Variants in PRC1 observed in about 807,000 individuals in gnomAD.
The protein encoded by PRC1 is protein regulator of cytokinesis 1.
Under a neutral mutation model 91.2 loss-of-function variants are expected in PRC1, and 54 were observed. That is an observed-to-expected ratio of 0.59 (90% CI 0.48 to 0.74). The LOEUF is 0.74. Among genes scored for constraint, PRC1 ranks in the 30% least tolerant of loss-of-function variants. The pLI, the probability that PRC1 is intolerant of heterozygous loss-of-function variation, is 0.00. For synonymous variants in PRC1, 275 were observed against 263.6 expected (o/e 1.04, Z -0.42); for missense variants, 727 against 746.2 (o/e 0.97, Z 0.30).
Position 90,984,134 on chromosome 15 carries a change from G to T in PRC1, c.151C>A (p.Leu51Met). The T allele has an allele frequency of 6.2e-7, 1 of 1,614,100 alleles. No homozygotes were observed. The highest frequency in any genetic ancestry group is 8.5e-7 in the Non-Finnish European group (1 of 1,179,994). Residue 51 changes from leucine (L) to methionine (M), a missense_variant, in exon 3 of 15, where the codon CTG becomes ATG. Transcript: ENST00000394249. This position sits in a 1 kb window ranked among gnomAD's most constrained non-coding sequence, Gnocchi z 5.1. ...EVVKKHIKEL[L>M]DMMIAEEESL... is the part of the protein sequence containing the mutation. ...TCCTCTTCAGCAATCATCATATCCA[G>T]GAGTTCCTACAAGAGGGAAAACAGT...
Position 90,984,942 on chromosome 15 carries a change from T to C in PRC1, c.12-117A>G. ...CAGTGGCCTCGAGAAAAAAACAAAT[T>C]GAAAACAAGCATTCAGCTTAATTCA... On this transcript the variant is annotated intron_variant, in intron 1 of 14. Transcript: ENST00000394249. The surrounding 1 kb of genome is among the most constrained non-coding windows in gnomAD (Gnocchi z 5.1). The C allele has an allele frequency of 2.3e-6, 3 of 1,307,142 alleles. No individual in the cohort carries two copies. Among genetic ancestry groups the C allele is most frequent in the Non-Finnish European group, 3.2e-6 (3 of 949,080 alleles). 81.0% of individuals were successfully genotyped at this position (1,307,142 alleles called of 1,614,324 possible).
At chr15:90,988,246 A>G (rs1012575782) in intron 1 of PRC1, 29 of 152,206 alleles carry the variant, frequency 1.9e-4, no homozygotes, top group Admixed American at 1.8e-3. Flanking sequence ...AACTTTTAAG[A>G]TCCAATCTGT....
At chr15:90,994,315 CCCCGCACGGGT>C in intron 1 of PRC1, 81 bp downstream of exon 1, 1 of 1,588,690 alleles carries the variant, frequency 6.3e-7, no homozygotes, top group African/African-American at 1.4e-5. Context: ...AGGCCCGGGA[CCCCGCACGGGT>C]CCCGCACCCC....
In PRC1 at chr15:90,994,488, C is replaced by G; in HGVS notation, c.-71G>C. On this transcript the variant is annotated 5_prime_UTR_variant, in exon 1 of 15. Coordinates refer to ENST00000394249, the MANE Select transcript of PRC1 (RefSeq NM_003981.4). ...ACACGGCCCCGAGAGCAACAACCAC[C>G]CGCAAACACCGGCGATGTCACTCCG... 1 of 1,541,568 alleles carries G rather than the reference C, an allele frequency of 6.5e-7. No homozygotes were observed. The highest frequency in any genetic ancestry group is 1.2e-5 in the South Asian group (1 of 85,180).
intron 7 of PRC1, 76 bp from the exon 8 acceptor site, chr15:90,979,370 C>G: frequency 6.8e-7 from 1 of 1,468,004 alleles, no homozygotes; most frequent in South Asian, 1.3e-5. Context: ...CCCCGATTCC[C>G]TAAAATGGAA....
intron 1 of PRC1, among the ~76,000 whole-genome samples, chr15:90,987,040 GAGGC>G (rs1387672529): frequency 6.6e-6 from 1 of 150,480 alleles, no homozygotes; most frequent in Non-Finnish European, 1.5e-5. Context: ...TTGCAAGGCC[GAGGC>G]AGGAAAACTG....
rs189808257 is a variant in PRC1, at chr15:90,974,198, C to T, written c.1399G>A (p.Ala467Thr). ...CGCCGCTTGCTAGGTGTTCGAGGAG[C>T]GCTGCCATACAGCATCTCTGTCTCT... ...QTETEMLYGS[A>T]PRTPSKRRGL... The change falls in exon 11 of 15, where the codon GCT becomes ACT. Residue 467 changes from alanine to threonine, a missense_variant. Coordinates refer to ENST00000394249, the MANE Select transcript of PRC1 (RefSeq NM_003981.4). The surrounding 1 kb of genome is among the most constrained non-coding windows in gnomAD (Gnocchi z 4.6). 9.3e-6 allele frequency: 15 copies of T among 1,614,160 alleles called. No individual in the cohort carries two copies. Among genetic ancestry groups the T allele is most frequent in the Middle Eastern group, 1.7e-4 (1 of 6,058 alleles).
rs1230070212 is a variant in PRC1 at position 90,969,762 on chromosome 15, AC to A, written c.1573-140del. 2.4e-3 allele frequency: 415 copies of A among 174,358 alleles called. 2 individuals are homozygous for A. Among genetic ancestry groups the A allele is most frequent in the East Asian group, 8.8e-3 (153 of 17,392 alleles). The allele number at this position is 174,358 out of a possible 1,614,324, so 10.8% of individuals were successfully genotyped here. On this transcript the variant is annotated intron_variant, in intron 12 of 14. Coordinates refer to ENST00000394249, the MANE Select transcript of PRC1 (RefSeq NM_003981.4). Reference sequence around the variant, plus strand: ...CCTATACTTTTTAGTTAAAAAAAAAACATATATATATATATATATATATATA... The same window carrying A: ...CCTATACTTTTTAGTTAAAAAAAAAAATATATATATATATATATATATATA...
At position 90,966,991 on chromosome 15, in the gene PRC1, T is replaced by G; in HGVS notation, c.*140A>C. On this transcript the variant is annotated 3_prime_UTR_variant, in exon 15 of 15. Transcript: ENST00000394249. Reference sequence around the variant, plus strand: ...CTTTCAACTGTAACACTCATTCACATCTTTAAGTTAGGCCCATGGTCATGG... The same window carrying G: ...CTTTCAACTGTAACACTCATTCACAGCTTTAAGTTAGGCCCATGGTCATGG... The G allele has an allele frequency of 1.4e-6, 1 of 715,408 alleles. No individual in the cohort carries two copies. The highest frequency in any genetic ancestry group is 1.7e-5 in the South Asian group (1 of 57,376). The allele number at this position is 715,408 out of a possible 1,614,324, so 44.3% of individuals were successfully genotyped here. A position where few individuals can be genotyped will look rare whatever the true frequency, so the allele number is the denominator to read the frequency against.
In PRC1 at chr15:90,980,231, C is replaced by T; in HGVS notation, c.970+11G>A. On this transcript the variant is annotated intron_variant, in intron 7 of 14. Transcript: ENST00000394249. ...AAACAAACAAACCAAAGACCTCACT[C>T]TTGTACTAACCAGCACAGAAAGGGG... 6.2e-7 allele frequency: 1 copy of T among 1,601,912 alleles called. No homozygotes were observed. The highest frequency in any genetic ancestry group is 8.5e-7 in the Non-Finnish European group (1 of 1,176,248).
intron 1 of PRC1, among the ~76,000 whole-genome samples, chr15:90,985,275 G>C (rs1316070218): frequency 6.6e-5 from 10 of 151,104 alleles, no homozygotes; most frequent in Admixed American, 2.0e-4. Context: ...CTGTCGCCCA[G>C]GCTGGAGTGC....
intron 6 of PRC1, 81 bp downstream of exon 6, chr15:90,980,803 G>A (rs1273772895): frequency 6.3e-7 from 1 of 1,578,958 alleles, no homozygotes; most frequent in Non-Finnish European, 8.6e-7. Flanking sequence ...ACTGAGCCTG[G>A]CCAAATCAAC....
intron 14 of PRC1, chr15:90,968,817 G>C: frequency 3.1e-6 from 4 of 1,281,666 alleles, no homozygotes; most frequent in Non-Finnish European, 4.0e-6. Context: ...ATTGGGGAGG[G>C]TCAAGGTTTT....
intron 11 of PRC1, among the ~76,000 whole-genome samples, chr15:90,971,187 G>A (rs1263541290): frequency 1.3e-5 from 2 of 152,200 alleles, no homozygotes; most frequent in Non-Finnish European, 2.9e-5. Context: ...AGAGGCACTA[G>A]GAAACTTTGG....
At position 90,979,283 on chromosome 15, in the gene PRC1, C is replaced by T; in HGVS notation, c.982G>A (p.Glu328Lys). The T allele has an allele frequency of 6.2e-7, 1 of 1,613,474 alleles. No homozygotes were observed. Among genetic ancestry groups the T allele is most frequent in the Non-Finnish European group, 8.5e-7 (1 of 1,179,828 alleles). ...GCATCGTGGAGCTGGAGCAGACTTTCTGTGTAGTCCTCTGCAAAATATAGG... is the reference window on the plus strand; with the variant it reads ...GCATCGTGGAGCTGGAGCAGACTTTTTGTGTAGTCCTCTGCAAAATATAGG... ...FAPFCAEDYTESLLQLHDAEI... is the reference protein window; with the variant it reads ...FAPFCAEDYTKSLLQLHDAEI... The change falls in exon 8 of 15, where the codon GAA (glutamate) becomes AAA (lysine). Residue 328 changes from glutamate (E) to lysine (K), a missense_variant. Coordinates refer to ENST00000394249, the MANE Select transcript of PRC1 (RefSeq NM_003981.4).
In PRC1 at chr15:90,990,391, ATTTT is replaced by A. The variant is rs200166312; in HGVS notation, c.11+4012_11+4015del. Among the ~76,000 whole-genome samples the A allele has an allele frequency of 3.4e-3, 487 of 141,842 alleles. 2 individuals are homozygous for A. Among genetic ancestry groups the A allele is most frequent in the African/African-American group, 0.012 (448 of 37,936 alleles). The allele number at this position is 141,842 out of a possible 152,430, so 93.1% of individuals were successfully genotyped here. On this transcript the variant is annotated intron_variant, in intron 1 of 14. Transcript: ENST00000394249. ...AAATAAATAAATAAATAAATAAATAATTTTTTTTTTTTTTTTAAGAGGTAGAGTC... is the reference window on the plus strand; with the variant it reads ...AAATAAATAAATAAATAAATAAATAATTTTTTTTTTTTAAGAGGTAGAGTC...
chr15:90,974,732 C>G lies in PRC1; in HGVS notation c.1204-1G>C, dbSNP rs1440050079. On this transcript the variant is annotated splice_acceptor_variant, in intron 9 of 14. Coordinates refer to ENST00000394249, the MANE Select transcript of PRC1 (RefSeq NM_003981.4). LOFTEE classifies it high-confidence loss of function. This position sits in a 1 kb window ranked among gnomAD's most constrained non-coding sequence, Gnocchi z 4.6. ...TTCGTGCCTTCAACTCTTCTTCCAG[C>G]TGAGACCAGAAACAAGGACATGTTA... The G allele has an allele frequency of 6.2e-7, 1 of 1,614,196 alleles. No individual in the cohort carries two copies. The highest frequency in any genetic ancestry group is 1.7e-5 in the Admixed American group (1 of 60,020).
Position 90,969,586 on chromosome 15 carries a change from G to A in PRC1, c.1610C>T (p.Pro537Leu). 6.2e-7 allele frequency: 1 copy of A among 1,612,358 alleles called. No individual in the cohort carries two copies. ...GTTGGCTCCATGCCTGCCAGTACGG[G>A]GTGTTTTCTTCCCTGAACAGGTGGA... ...AASTCSGKKTPRTGRHGANKE... is the reference protein window; with the variant it reads ...AASTCSGKKTLRTGRHGANKE... Residue 537 changes from proline (P) to leucine (L), a missense_variant, in exon 13 of 15, where the codon CCC becomes CTC. Pro to Leu is a moderately conservative substitution (Grantham distance 98, BLOSUM62 -3). Transcript: ENST00000394249.
intron 9 of PRC1, among the ~76,000 whole-genome samples, chr15:90,975,460 A>G (rs1015058237): frequency 1.3e-5 from 2 of 152,218 alleles, no homozygotes; most frequent in African/African-American, 4.8e-5. Flanking sequence ...AGGATGTTGT[A>G]AGGATTAGAC....
Sources: allele counts gnomAD v4.1 joint callset (sites outside exome capture counted in the v4.1 genomes callset), GRCh38; gene constraint gnomAD v4.1.1; non-coding constraint Gnocchi (gnomAD v3.1); transcripts MANE v1.5; gene names NCBI Gene and HGNC (gene_info 2026-07-23, HGNC 2026-07-21).